ELMOD2: variants seen among roughly 807,000 people sequenced by gnomAD.
ELMOD2 encodes ELMO domain containing 2, also known as ELMO domain-containing protein 2.
In ELMOD2, 28 loss-of-function variants were observed where a neutral mutation model predicts 41.0. The observed-to-expected ratio is 0.68, with a 90% CI of 0.51 to 0.94. The LOEUF is 0.94. ELMOD2 is among the 40% of genes least tolerant of loss of function. ELMOD2 has a pLI of 0.00. For missense variants in ELMOD2, 333 were observed against 343.1 expected (o/e 0.97, Z 0.23); for synonymous variants, 106 against 107.2 (o/e 0.99, Z 0.07).
At chr4:140,533,334 A>G (rs891066789) in intron 3 of ELMOD2, among the ~76,000 whole-genome samples, 1 of 152,202 alleles carries the variant, frequency 6.6e-6, no homozygotes. Context: ...AATATAACAG[A>G]TGAGAGACCA....
chr4:140,537,684 G>T, intron 5 of ELMOD2, 143 bp downstream of exon 5: 1 of 851,260 alleles, frequency 1.2e-6, no homozygotes, highest in Non-Finnish European at 1.7e-6. Context: ...TTATTATGCT[G>T]GATTTCACTG....
At chr4:140,547,739 C>T (rs1008072094) in intron 8 of ELMOD2, among the ~76,000 whole-genome samples, 2 of 150,654 alleles carry the variant, frequency 1.3e-5, no homozygotes, top group Non-Finnish European at 3.0e-5. Flanking sequence ...CAGTTAATCC[C>T]CCTTCCTATG....
chr4:140,551,794 C>T lies in ELMOD2; in HGVS notation c.*1419C>T, dbSNP rs1735477055. On this transcript the variant is annotated 3_prime_UTR_variant, in exon 9 of 9. Transcript: ENST00000323570. ...TTTGCTCGTGTCTGTTGACAGACCT[C>T]TTTCTTTCAAACTTGTTAGAAGAGT... 6.6e-6 allele frequency: 1 copy of T among 151,994 alleles called. No individual in the cohort carries two copies. The highest frequency in any genetic ancestry group is 2.4e-5 in the African/African-American group (1 of 41,414). The allele number at this position is 151,994 out of a possible 1,614,324, so 9.4% of individuals were successfully genotyped here.
rs1412823753 is a variant in ELMOD2, at chr4:140,552,609, T to C, written c.*2234T>C. 2.0e-5 allele frequency: 3 copies of C among 152,082 alleles called. No individual in the cohort carries two copies. Among genetic ancestry groups the C allele is most frequent in the Non-Finnish European group, 4.4e-5 (3 of 67,938 alleles). The allele number at this position is 152,082 out of a possible 1,614,324, so 9.4% of individuals were successfully genotyped here. On this transcript the variant is annotated 3_prime_UTR_variant, in exon 9 of 9. Coordinates refer to ENST00000323570, the MANE Select transcript of ELMOD2 (RefSeq NM_153702.4). ...ATTGTGTCTACCTTCCTACTTTCCCTTTTGACATATGTAGTTGGAATTTTA... is the reference window on the plus strand; with the variant it reads ...ATTGTGTCTACCTTCCTACTTTCCCCTTTGACATATGTAGTTGGAATTTTA...
intron 8 of ELMOD2, among the ~76,000 whole-genome samples, chr4:140,545,395 C>T (rs964801452): frequency 1.3e-5 from 2 of 152,148 alleles, no homozygotes; most frequent in Non-Finnish European, 1.5e-5. Flanking sequence ...CTAAGTGGTA[C>T]CATCTGGTCC....
chr4:140,538,072 T>C (rs1286445826), intron 5 of ELMOD2, among the ~76,000 whole-genome samples: 3 of 152,186 alleles, frequency 2.0e-5, no homozygotes, highest in Non-Finnish European at 2.9e-5. Flanking sequence ...CTTAGAATTT[T>C]CCTTTTTCTT....
At chr4:140,540,353 T>C in intron 6 of ELMOD2, 52 bp downstream of exon 6, 1 of 1,596,774 alleles carries the variant, frequency 6.3e-7, no homozygotes, top group Non-Finnish European at 8.6e-7. Flanking sequence ...ACATTTAATC[T>C]CTGATCTAGT....
chr4:140,526,965 T>G (rs1040333001), intron 2 of ELMOD2, among the ~76,000 whole-genome samples: 1 of 152,226 alleles, frequency 6.6e-6, no homozygotes, highest in Admixed American at 6.5e-5. Context: ...ATTCTTGATA[T>G]AGAAACCAGG....
At chr4:140,540,496 G>A (rs1049968646) in intron 6 of ELMOD2, among the ~76,000 whole-genome samples, 195 bp downstream of exon 6, 30 of 152,220 alleles carry the variant, frequency 2.0e-4, no homozygotes, top group African/African-American at 7.2e-4. Context: ...GCTCACGCCT[G>A]TAATCCCAGC....
At chr4:140,529,208 C>A (rs895470119) in intron 3 of ELMOD2, among the ~76,000 whole-genome samples, 1 of 152,164 alleles carries the variant, frequency 6.6e-6, no homozygotes, top group Non-Finnish European at 1.5e-5. Context: ...AGGGCAGTGT[C>A]TTGAGGCACT....
chr4:140,524,505 C>G, intron 1 of ELMOD2: 1 of 761,992 alleles, frequency 1.3e-6, no homozygotes, highest in Non-Finnish European at 1.6e-6. Context: ...CGTGCATCCC[C>G]TCTGCTCGGC....
chr4:140,532,447 A>G (rs1734782584), intron 3 of ELMOD2, among the ~76,000 whole-genome samples: 1 of 152,204 alleles, frequency 6.6e-6, no homozygotes, highest in African/African-American at 2.4e-5. Flanking sequence ...GATTACAGGC[A>G]TGAGCCATTG....
At position 140,551,213 on chromosome 4, in the gene ELMOD2, G is replaced by GA. The variant is rs746647815; in HGVS notation, c.*842dup. The GA allele has an allele frequency of 1.2e-4, 18 of 151,966 alleles. No individual in the cohort carries two copies. Among genetic ancestry groups the GA allele is most frequent in the Admixed American group, 3.3e-4 (5 of 15,252 alleles). 9.4% of individuals were successfully genotyped at this position (151,966 alleles called of 1,614,324 possible). ...TTACGAAAAGAGATGTATTTGCCAAGAAAATCTTGATTATATAAAAGACAA... is the reference window on the plus strand; with the variant it reads ...TTACGAAAAGAGATGTATTTGCCAAGAAAAATCTTGATTATATAAAAGACAA... On this transcript the variant is annotated 3_prime_UTR_variant, in exon 9 of 9. Transcript: ENST00000323570.
intron 2 of ELMOD2, 23 bp from the exon 3 acceptor site, chr4:140,527,439 ATCTT>A (rs1560822887): frequency 6.8e-7 from 1 of 1,470,240 alleles, no homozygotes; most frequent in Non-Finnish European, 9.3e-7. Context: ...AAGTGATAAC[ATCTT>A]TTTTTTTTTT....
chr4:140,531,598 T>C (rs188196457), intron 3 of ELMOD2, among the ~76,000 whole-genome samples: 5 of 152,370 alleles, frequency 3.3e-5, no homozygotes, highest in Non-Finnish European at 5.9e-5. Context: ...ATAATGTAGC[T>C]GTTAAATAGT....
chr4:140,524,732 A>G (rs955601867), intron 1 of ELMOD2: 4 of 666,296 alleles, frequency 6.0e-6, no homozygotes, highest in Non-Finnish European at 5.6e-6. Flanking sequence ...TCTCCCTCTC[A>G]CTAGTATCTC....
chr4:140,534,591 T>G (rs774105321), intron 3 of ELMOD2, among the ~76,000 whole-genome samples: 1 of 152,208 alleles, frequency 6.6e-6, no homozygotes, highest in Non-Finnish European at 1.5e-5. Context: ...GAGTATTTGC[T>G]TAGAAACTAG....
chr4:140,534,614 G>A (rs767162379), intron 3 of ELMOD2, among the ~76,000 whole-genome samples: 14 of 152,192 alleles, frequency 9.2e-5, no homozygotes, highest in Admixed American at 3.9e-4. Context: ...GTGGTTTCTC[G>A]TCTTGACTCT....
rs1256222954 is a variant in ELMOD2, at chr4:140,553,347, A to G, written c.*2972A>G. The G allele has an allele frequency of 6.6e-6, 1 of 152,122 alleles. No individual in the cohort carries two copies. Among genetic ancestry groups the G allele is most frequent in the African/African-American group, 2.4e-5 (1 of 41,442 alleles). 9.4% of individuals were successfully genotyped at this position (152,122 alleles called of 1,614,324 possible). A position where few individuals can be genotyped will look rare whatever the true frequency, so the allele number is the denominator to read the frequency against. ...GGACCAGCAGCAGTTTTCTCAGGAT[A>G]AATGCTCTACCCCACTTCTCTATGA... On this transcript the variant is annotated 3_prime_UTR_variant, in exon 9 of 9. Transcript: ENST00000323570.
Sources: allele counts gnomAD v4.1 joint callset (sites outside exome capture counted in the v4.1 genomes callset), GRCh38; gene constraint gnomAD v4.1.1; transcripts MANE v1.5; gene names NCBI Gene and HGNC (gene_info 2026-07-23, HGNC 2026-07-21).